Variants in KCNQ5 observed in about 807,000 individuals in gnomAD.
KCNQ5 encodes potassium voltage-gated channel subfamily Q member 5.
KCNQ5 carries 30 observed loss-of-function variants against 98.2 expected under a neutral mutation model. The ratio of observed to expected loss-of-function variants is 0.31; its 90% CI spans 0.23 to 0.41. The LOEUF (loss-of-function observed/expected upper bound fraction) is 0.41, where lower values mean the gene tolerates loss of function less well. Among genes scored for constraint, KCNQ5 ranks in the 10% least tolerant of loss-of-function variants. The pLI, the probability that KCNQ5 is intolerant of heterozygous loss-of-function variation, is 1.00. For synonymous variants in KCNQ5, 458 were observed against 449.4 expected (o/e 1.02, Z -0.24); for missense variants, 835 against 1,182.5 (o/e 0.71, Z 4.31).
chr6:72,950,635 A>T (rs1281089134), intron 1 of KCNQ5, among the ~76,000 whole-genome samples: 1 of 152,218 alleles, frequency 6.6e-6, no homozygotes, highest in Non-Finnish European at 1.5e-5. Context: ...CACCTGCTGC[A>T]GTGATGAGCA....
chr6:73,063,702 AGATAGATAGATAGATAGAT>A (rs1562156171), intron 3 of KCNQ5, among the ~76,000 whole-genome samples: 101 of 124,254 alleles, frequency 8.1e-4, no homozygotes, highest in East Asian at 1.2e-3. Flanking sequence ...ATAGATAGAT[AGATAGATAGATAGATAGAT>A]GATAGATAGA....
chr6:72,816,760 G>A (rs901433328), intron 1 of KCNQ5, among the ~76,000 whole-genome samples: 2 of 152,124 alleles, frequency 1.3e-5, no homozygotes, highest in African/African-American at 4.8e-5. Context: ...TCTTCCCAAG[G>A]ATGAATTAAT....
chr6:72,768,968 G>A (rs548590580), intron 1 of KCNQ5, among the ~76,000 whole-genome samples: 2 of 152,082 alleles, frequency 1.3e-5, no homozygotes, highest in South Asian at 4.1e-4. Context: ...GTGGAGGAGA[G>A]GGAAGCATTT....
At chr6:72,896,330 C>A (rs1223813835) in intron 1 of KCNQ5, among the ~76,000 whole-genome samples, 1 of 151,806 alleles carries the variant, frequency 6.6e-6, no homozygotes, top group Non-Finnish European at 1.5e-5. Context: ...CTTAAAAGTA[C>A]CCTATGTGGA....
At chr6:73,059,924 A>G (rs1021009419) in intron 3 of KCNQ5, among the ~76,000 whole-genome samples, 6 of 152,316 alleles carry the variant, frequency 3.9e-5, no homozygotes, top group Non-Finnish European at 7.4e-5. Flanking sequence ...TAATTTTTAG[A>G]AAGTCCTTAT....
chr6:72,832,936 C>A (rs1399156106), intron 1 of KCNQ5, among the ~76,000 whole-genome samples: 1 of 152,140 alleles, frequency 6.6e-6, no homozygotes, highest in Admixed American at 6.6e-5. Context: ...CTTGAGCAGC[C>A]CAGGTCTGCC....
At chr6:72,740,875 T>G (rs543103130) in intron 1 of KCNQ5, among the ~76,000 whole-genome samples, 59 of 152,294 alleles carry the variant, frequency 3.9e-4, no homozygotes, top group African/African-American at 1.4e-3. Flanking sequence ...GCCCTCTAAT[T>G]ACGACTTTAT....
intron 1 of KCNQ5, among the ~76,000 whole-genome samples, chr6:72,639,150 G>A (rs1044129522): frequency 6.6e-6 from 1 of 152,118 alleles, no homozygotes; most frequent in African/African-American, 2.4e-5. Flanking sequence ...AGAGTGTATG[G>A]AAAAAGATTT....
intron 1 of KCNQ5, among the ~76,000 whole-genome samples, chr6:72,646,293 T>C (rs1457860950): frequency 1.3e-5 from 2 of 151,416 alleles, no homozygotes; most frequent in Non-Finnish European, 2.9e-5. Flanking sequence ...AAATACATCT[T>C]CATTTGATAA....
chr6:72,950,525 G>T (rs1766750045), intron 1 of KCNQ5, among the ~76,000 whole-genome samples: 1 of 152,192 alleles, frequency 6.6e-6, no homozygotes, highest in Non-Finnish European at 1.5e-5. Context: ...AGGAACCATT[G>T]GTTGCAGCAG....
intron 1 of KCNQ5, among the ~76,000 whole-genome samples, chr6:72,941,307 T>G (rs1461439582): frequency 8.1e-6 from 1 of 122,716 alleles, no homozygotes; most frequent in East Asian, 2.7e-4. Flanking sequence ...TCATCTTCCT[T>G]CCTTCCTTCC....
chr6:73,154,202 T>C (rs771803898), intron 10 of KCNQ5, among the ~76,000 whole-genome samples: 8 of 152,148 alleles, frequency 5.3e-5, no homozygotes, highest in Non-Finnish European at 8.8e-5. Flanking sequence ...GCATTATCTT[T>C]TATTTCTATG....
intron 1 of KCNQ5, among the ~76,000 whole-genome samples, chr6:72,709,120 C>T (rs1050174059): frequency 2.0e-5 from 3 of 152,184 alleles, no homozygotes; most frequent in African/African-American, 4.8e-5. Context: ...GCTGGGATTA[C>T]AGGCATGAGG....
At chr6:73,076,429 A>C (rs1452527784) in intron 3 of KCNQ5, among the ~76,000 whole-genome samples, 1 of 152,136 alleles carries the variant, frequency 6.6e-6, no homozygotes. Context: ...TCCCCACTTC[A>C]CTTATCCCAC....
intron 1 of KCNQ5, among the ~76,000 whole-genome samples, chr6:72,651,165 C>T (rs1288334339): frequency 1.3e-5 from 2 of 152,020 alleles, no homozygotes; most frequent in Non-Finnish European, 2.9e-5. Context: ...ATTATAATTA[C>T]CTGATTACCT....
At chr6:73,142,714 G>A (rs760310826) in intron 10 of KCNQ5, among the ~76,000 whole-genome samples, 1 of 152,020 alleles carries the variant, frequency 6.6e-6, no homozygotes, top group Non-Finnish European at 1.5e-5. Context: ...TCAGGAGTTC[G>A]AGACCAGCCT....
intron 1 of KCNQ5, among the ~76,000 whole-genome samples, chr6:72,938,345 T>A (rs1233179810): frequency 6.6e-6 from 1 of 152,132 alleles, no homozygotes; most frequent in African/African-American, 2.4e-5. Flanking sequence ...GTTGCACAAT[T>A]CTGTAAATGT....
At chr6:72,856,395 G>A (rs1160812868) in intron 1 of KCNQ5, among the ~76,000 whole-genome samples, 3 of 150,926 alleles carry the variant, frequency 2.0e-5, no homozygotes, top group African/African-American at 4.9e-5. Context: ...TAATAAAATA[G>A]GCCAATAATT....
intron 1 of KCNQ5, among the ~76,000 whole-genome samples, chr6:72,642,809 G>A (rs112784808): frequency 6.5e-4 from 99 of 152,234 alleles, no homozygotes; most frequent in African/African-American, 2.2e-3. Flanking sequence ...ACATGTACAC[G>A]TATGTTCATT....
Sources: gnomAD v4.1 joint callset for allele counts (sites outside exome capture counted in the v4.1 genomes callset) on GRCh38, gnomAD v4.1.1 for gene constraint, MANE v1.5 for transcripts, NCBI Gene and HGNC (gene_info 2026-07-23, HGNC 2026-07-21) for gene names.